Variants in CA1 observed in about 807,000 individuals in gnomAD.
CA1 encodes the protein carbonate dehydratase I.
CA1 carries 27 observed loss-of-function variants against 28.8 expected under a neutral mutation model. That is an observed-to-expected ratio of 0.94 (90% CI 0.69 to 1.29). The LOEUF is 1.29. CA1 is among the 50% of genes most tolerant of loss of function. The pLI, the probability that CA1 is intolerant of heterozygous loss-of-function variation, is 0.00. For missense variants in CA1, 335 were observed against 310.5 expected, an observed-to-expected ratio of 1.08 and a Z score of -0.59; for synonymous variants, 121 against 108.8, an observed-to-expected ratio of 1.11 and a Z score of -0.70.
At chr8:85,342,290 A>G (rs1196865401) in intron 1 of CA1, among the ~76,000 whole-genome samples, 1 of 152,194 alleles carries the variant, frequency 6.6e-6, no homozygotes, top group Non-Finnish European at 1.5e-5. Flanking sequence ...CACAATATTT[A>G]TTTTATACAT....
At position 85,329,789 on chromosome 8, in the gene CA1, AG is replaced by A; in HGVS notation, c.568del (p.Leu190TrpfsTer10). Reference sequence around the variant, plus strand: ...AGAGCCAGGGTAGGTCCAGAAATCCAGGGATGAAGGAAGGAGAGTAGAGGGG... The same window carrying A: ...AGAGCCAGGGTAGGTCCAGAAATCCAGGATGAAGGAAGGAGAGTAGAGGGG... ...FDPSTLLPSSLDFWTYPGSLT... is the reference protein window; with the variant it reads ...FDPSTLLPSSXDFWTYPGSLT... On this transcript the variant is annotated frameshift_variant, in exon 7 of 8. Transcript: ENST00000523022. LOFTEE classifies it high-confidence loss of function. 6.2e-7 allele frequency: 1 copy of A among 1,603,654 alleles called. No homozygotes were observed. The highest frequency in any genetic ancestry group is 8.5e-7 in the Non-Finnish European group (1 of 1,174,032).
chr8:85,348,221 A>G (rs1001279713), intron 1 of CA1, among the ~76,000 whole-genome samples: 5 of 152,154 alleles, frequency 3.3e-5, no homozygotes, highest in African/African-American at 1.2e-4. Context: ...TAATGCTTTT[A>G]CTAGTACCTA....
chr8:85,338,349 T>C lies in CA1; in HGVS notation c.138A>G (p.Lys46=). 6.2e-7 allele frequency: 1 copy of C among 1,613,692 alleles called. No individual in the cohort carries two copies. Among genetic ancestry groups the C allele is most frequent in the Non-Finnish European group, 8.5e-7 (1 of 1,179,636 alleles). The change falls in exon 3 of 8, where the codon AAA becomes AAG. Residue 46 remains lysine (K), a synonymous_variant. Coordinates refer to ENST00000523022, the MANE Select transcript of CA1 (RefSeq NM_001128831.4). ...CTGGGTTGTAGGAGACACTAATAGG[T>C]TTCAGAGAGGTGTCATGTTTGGTTT... ...TSETKHDTSL[K]PISVSYNPAT... is the part of the protein sequence containing the mutation.
At chr8:85,367,434 C>A (rs1299398288) in intron 1 of CA1, among the ~76,000 whole-genome samples, 1 of 152,104 alleles carries the variant, frequency 6.6e-6, no homozygotes, top group Non-Finnish European at 1.5e-5. Context: ...TTTCACTCAA[C>A]TCTGTGGCAT....
chr8:85,329,912 A>T, intron 6 of CA1, 68 bp from the exon 7 acceptor site: 1 of 1,174,850 alleles, frequency 8.5e-7, no homozygotes, highest in Non-Finnish European at 1.2e-6. Flanking sequence ...TGACATATAT[A>T]TGCTATATTA....
chr8:85,336,898 G>T, intron 4 of CA1, 47 bp downstream of exon 4: 1 of 1,110,930 alleles, frequency 9.0e-7, no homozygotes, highest in Non-Finnish European at 1.4e-6. Context: ...AGCTGCTTCT[G>T]GGAGTACTCT....
In CA1 at chr8:85,333,560, C is replaced by G; in HGVS notation, c.415G>C (p.Ala139Pro). 1 of 1,612,874 alleles carries G rather than the reference C, an allele frequency of 6.2e-7. No individual in the cohort carries two copies. The highest frequency in any genetic ancestry group is 8.5e-7 in the Non-Finnish European group (1 of 1,179,162). ...ACACCAATAACTGCCAAACCATCAG[C>G]CTTTGAGGCAGCTTCAGCAAGGCTG... is the stretch of plus-strand genomic sequence containing the variant. ...YSSLAEAASK[A>P]DGLAVIGVLM... is the part of the protein sequence containing the mutation. The change falls in exon 5 of 8, where the codon GCT becomes CCT. Residue 139 changes from alanine to proline, a missense_variant. By Grantham distance (27) the Ala-to-Pro change is conservative. Coordinates refer to ENST00000523022, the MANE Select transcript of CA1 (RefSeq NM_001128831.4).
chr8:85,344,220 T>TACTG, intron 1 of CA1, among the ~76,000 whole-genome samples: 1 of 61,254 alleles, frequency 1.6e-5, no homozygotes, highest in African/African-American at 1.0e-4. Flanking sequence ...TATAATTATA[T>TACTG]TATATACAGT....
chr8:85,373,512 T>C (rs1048867878), intron 1 of CA1: 4 of 152,164 alleles, frequency 2.6e-5, no homozygotes, highest in Non-Finnish European at 5.9e-5. Flanking sequence ...AGAGAGAGAC[T>C]ACATTCACAT....
chr8:85,357,626 A>G (rs188208719), intron 1 of CA1, among the ~76,000 whole-genome samples: 1 of 152,376 alleles, frequency 6.6e-6, no homozygotes, highest in African/African-American at 2.4e-5. Flanking sequence ...GAAATTTTGT[A>G]TATGAATTCC....
intron 1 of CA1, among the ~76,000 whole-genome samples, chr8:85,367,218 T>C (rs1188112810): frequency 6.6e-6 from 1 of 152,180 alleles, no homozygotes; most frequent in Non-Finnish European, 1.5e-5. Context: ...GAACGATTTC[T>C]ATAGTTTCTA....
At chr8:85,333,497 C>T (rs757779097) in intron 5 of CA1, 28 bp downstream of exon 5, 1 of 1,342,392 alleles carries the variant, frequency 7.4e-7, no homozygotes, top group South Asian at 1.2e-5. Flanking sequence ...ACAGTGGAAG[C>T]AGAGCTGTGT....
At chr8:85,347,006 G>A (rs1355386993) in intron 1 of CA1, among the ~76,000 whole-genome samples, 2 of 152,138 alleles carry the variant, frequency 1.3e-5, no homozygotes, top group Non-Finnish European at 2.9e-5. Context: ...AATATTAAGG[G>A]AGGTGAAGGT....
intron 1 of CA1, among the ~76,000 whole-genome samples, chr8:85,372,483 G>A (rs1351869459): frequency 6.6e-6 from 1 of 152,136 alleles, no homozygotes; most frequent in Admixed American, 6.6e-5. Flanking sequence ...ATATCTGAAA[G>A]AAGTGAGAAC....
intron 7 of CA1, among the ~76,000 whole-genome samples, chr8:85,329,231 A>G (rs1017498059): frequency 5.3e-5 from 8 of 152,218 alleles, no homozygotes; most frequent in Non-Finnish European, 1.0e-4. Context: ...AATGAATGAT[A>G]CTTACTATAA....
At chr8:85,367,096 G>T (rs531156257) in intron 1 of CA1, among the ~76,000 whole-genome samples, 3 of 151,914 alleles carry the variant, frequency 2.0e-5, no homozygotes, top group African/African-American at 7.2e-5. Flanking sequence ...ACAGATTATA[G>T]AATTTAAAAA....
chr8:85,367,079 T>C (rs1810035228), intron 1 of CA1, among the ~76,000 whole-genome samples: 1 of 152,000 alleles, frequency 6.6e-6, no homozygotes, highest in Non-Finnish European at 1.5e-5. Flanking sequence ...TCTGAAGAAT[T>C]TCAGAGACAG....
intron 1 of CA1, among the ~76,000 whole-genome samples, chr8:85,360,793 G>A (rs1403506066): frequency 6.6e-6 from 1 of 152,160 alleles, no homozygotes; most frequent in Non-Finnish European, 1.5e-5. Context: ...GTTTCTTAAG[G>A]AAGAAATCTA....
chr8:85,342,022 C>T lies in CA1; in HGVS notation c.-24-363G>A, dbSNP rs559671718. 8.5e-5 allele frequency among the ~76,000 whole-genome samples: 13 copies of T among 152,208 alleles called. No individual in the cohort carries two copies. In the East Asian group the frequency reaches 2.5e-3, roughly 29 times the overall value. On this transcript the variant is annotated intron_variant, in intron 1 of 7. Transcript: ENST00000523022. Reference sequence around the variant, plus strand: ...TACTTTGTACACTCAAGATTTCCAACTCTACCTTTGTTAGTTACCTAAGCA... The same window carrying T: ...TACTTTGTACACTCAAGATTTCCAATTCTACCTTTGTTAGTTACCTAAGCA...
Sources: allele counts gnomAD v4.1 joint callset (sites outside exome capture counted in the v4.1 genomes callset), GRCh38; gene constraint gnomAD v4.1.1; transcripts MANE v1.5; gene names NCBI Gene and HGNC (gene_info 2026-07-23, HGNC 2026-07-21).